The following COL4A6 variants were observed in gnomAD, a reference collection of about 807,000 sequenced individuals.
COL4A6 encodes collagen type IV alpha 6 chain.
Under a neutral mutation model 126.7 loss-of-function variants are expected in COL4A6, and 59 were observed. The ratio of observed to expected loss-of-function variants is 0.47; its 90% CI spans 0.38 to 0.58. The LOEUF (loss-of-function observed/expected upper bound fraction) is 0.58. Among genes scored for constraint, COL4A6 ranks in the 20% least tolerant of loss-of-function variants. The pLI, the probability that COL4A6 is intolerant of heterozygous loss-of-function variation, is 0.00. For synonymous variants in COL4A6, 547 were observed against 496.6 expected, an observed-to-expected ratio of 1.10 and a Z score of -1.35; for missense variants, 1,285 against 1,337.3, an observed-to-expected ratio of 0.96 and a Z score of 0.61.
At chrX:108,189,763 T>A (rs1209927139) in intron 20 of COL4A6, among the ~76,000 whole-genome samples, 5 of 112,338 alleles carry the variant, frequency 4.5e-5, no homozygotes, top group Non-Finnish European at 9.4e-5. Flanking sequence ...AGTTAGAACA[T>A]CTCTGTTTGA....
At chrX:108,195,190 T>C (rs1332443183) in intron 14 of COL4A6, 64 bp from the exon 15 acceptor site, 1 of 895,050 alleles carries the variant, frequency 1.1e-6, no homozygotes, top group Admixed American at 2.5e-5. Flanking sequence ...CCACTAGACT[T>C]ATATAACAAA....
At chrX:108,228,037 CAGAA>C (rs1052973749) in intron 3 of COL4A6, among the ~76,000 whole-genome samples, 1 of 112,231 alleles carries the variant, frequency 8.9e-6, no homozygotes, top group Non-Finnish European at 1.9e-5. Flanking sequence ...AGTTGAAGGG[CAGAA>C]AGAGAATGGG....
At chrX:108,283,961 G>A (rs925994279) in intron 3 of COL4A6, among the ~76,000 whole-genome samples, 1 of 111,140 alleles carries the variant, frequency 9.0e-6, no homozygotes, top group African/African-American at 3.3e-5. Context: ...TCTGAAGAAG[G>A]GTCACACTTG....
intron 2 of COL4A6, among the ~76,000 whole-genome samples, chrX:108,367,856 C>A (rs1476447215): frequency 2.7e-5 from 3 of 111,933 alleles, no homozygotes; most frequent in African/African-American, 9.7e-5. Context: ...AGCTGGAATG[C>A]TTCTCCCTGA....
chrX:108,375,408 T>TG (rs2040413546), intron 2 of COL4A6, among the ~76,000 whole-genome samples: 1 of 111,703 alleles, frequency 9.0e-6, no homozygotes, highest in African/African-American at 3.3e-5. Flanking sequence ...CTGAGTTACC[T>TG]GGGGAAAACC....
chrX:108,203,203 T>C (rs956136592), intron 12 of COL4A6, among the ~76,000 whole-genome samples: 17 of 111,625 alleles, frequency 1.5e-4, no homozygotes, highest in African/African-American at 5.2e-4. Flanking sequence ...TTATGGACCA[T>C]AACTGTCTAA....
At chrX:108,192,658 G>A in intron 17 of COL4A6, 78 bp from the exon 18 acceptor site, 1 of 657,617 alleles carries the variant, frequency 1.5e-6, no homozygotes, top group Non-Finnish European at 2.4e-6. Flanking sequence ...AAGAAGAGGT[G>A]CAGGAGCTGT....
chrX:108,237,914 C>T (rs1465369678), intron 3 of COL4A6, among the ~76,000 whole-genome samples: 1 of 102,927 alleles, frequency 9.7e-6, no homozygotes, highest in African/African-American at 3.6e-5. Context: ...ATCTATGTAT[C>T]ATTTATCTAT....
chrX:108,290,069 A>T (rs1479641922), intron 3 of COL4A6, among the ~76,000 whole-genome samples: 1 of 112,290 alleles, frequency 8.9e-6, no homozygotes, highest in African/African-American at 3.2e-5. Flanking sequence ...GATATTCTGC[A>T]GACTCTATAA....
chrX:108,318,096 CAT>C (rs2038930398), intron 2 of COL4A6, among the ~76,000 whole-genome samples: 1 of 111,800 alleles, frequency 8.9e-6, no homozygotes, highest in Non-Finnish European at 1.9e-5. Flanking sequence ...TGTAATCCAG[CAT>C]ATAAACAGAA....
chrX:108,180,474 C>T, intron 25 of COL4A6, 41 bp downstream of exon 25: 1 of 1,070,035 alleles, frequency 9.3e-7, no homozygotes, highest in South Asian at 1.9e-5. Flanking sequence ...CACACACATA[C>T]ACACAAAGAG....
chrX:108,169,504 C>T lies in COL4A6; in HGVS notation c.3682G>A (p.Gly1228Ser), dbSNP rs2034230752. The change falls in exon 37 of 45, where the codon GGT (glycine) becomes AGT (serine). Residue 1228 changes from glycine (G) to serine (S), a missense_variant. Physicochemically the swap from Gly to Ser is moderately conservative, Grantham distance 56. Transcript: ENST00000334504. ...PGKPGLRGQK[G>S]DRGFPGLQGP... ...CCTGACTTGGACTCACCTCGATCAC[C>T]TTTTTGCCCTCTCAGGCCCGGCTTC... 1 of 1,210,078 alleles carries T rather than the reference C, an allele frequency of 8.3e-7. No homozygotes were observed. The highest frequency in any genetic ancestry group is 1.1e-6 in the Non-Finnish European group (1 of 895,227).
chrX:108,427,624 A>G (rs1380988416), intron 2 of COL4A6, among the ~76,000 whole-genome samples: 1 of 111,644 alleles, frequency 9.0e-6, no homozygotes, highest in Non-Finnish European at 1.9e-5. Context: ...GCAGGGCCAG[A>G]TCAGATACTC....
At chrX:108,358,873 G>A (rs1409728030) in intron 2 of COL4A6, among the ~76,000 whole-genome samples, 1 of 111,623 alleles carries the variant, frequency 9.0e-6, no homozygotes. Flanking sequence ...GGTACAATAA[G>A]GTGGCTGAAA....
intron 3 of COL4A6, among the ~76,000 whole-genome samples, chrX:108,240,168 G>A (rs963397145): frequency 1.8e-5 from 2 of 111,405 alleles, no homozygotes; most frequent in Non-Finnish European, 3.8e-5. Context: ...ATTTGAACCC[G>A]GGAGGCAGAG....
At chrX:108,415,584 A>G (rs747788352) in intron 2 of COL4A6, among the ~76,000 whole-genome samples, 3 of 112,116 alleles carry the variant, frequency 2.7e-5, no homozygotes, top group Non-Finnish European at 3.8e-5. Flanking sequence ...AAGTAGTTCA[A>G]TTCAGATAAT....
intron 40 of COL4A6, among the ~76,000 whole-genome samples, chrX:108,164,191 G>GA (rs1407773076): frequency 8.9e-6 from 1 of 112,087 alleles, no homozygotes; most frequent in Non-Finnish European, 1.9e-5. Context: ...GAGGTGAACA[G>GA]ATGCAAGGCA....
At chrX:108,344,131 T>A (rs1342796041) in intron 2 of COL4A6, among the ~76,000 whole-genome samples, 1 of 111,179 alleles carries the variant, frequency 9.0e-6, no homozygotes, top group Non-Finnish European at 1.9e-5. Context: ...CAGGCTCAGA[T>A]CTGCATTGAA....
At chrX:108,220,658 C>T (rs192517114) in intron 4 of COL4A6, among the ~76,000 whole-genome samples, 7 of 112,429 alleles carry the variant, frequency 6.2e-5, no homozygotes, top group Middle Eastern at 4.6e-3. Flanking sequence ...ATTGGACTTC[C>T]GGTCCATGTA....
Sources: allele counts gnomAD v4.1 joint callset (sites outside exome capture counted in the v4.1 genomes callset), GRCh38; gene constraint gnomAD v4.1.1; transcripts MANE v1.5; gene names NCBI Gene and HGNC (gene_info 2026-07-23, HGNC 2026-07-21).